The following RIBC1 variants were observed in gnomAD, a reference collection of about 807,000 sequenced individuals.
RIBC1 encodes RIB43A domain with coiled-coils 1.
Under a neutral mutation model 33.7 loss-of-function variants are expected in RIBC1, and 12 were observed. That is an observed-to-expected ratio of 0.36 (90% CI 0.23 to 0.58). RIBC1 has a LOEUF of 0.58. RIBC1 is among the 20% of genes least tolerant of loss of function. The probability of loss-of-function intolerance (pLI) is 0.81; values close to 1 mark genes in which losing one functional copy is unlikely to be tolerated. For missense variants in RIBC1, 242 were observed against 311.6 expected, an observed-to-expected ratio of 0.78 and a Z score of 1.68; for synonymous variants, 89 against 109.0, an observed-to-expected ratio of 0.82 and a Z score of 1.14.
At chrX:53,429,217 A>C (rs782402054) in intron 5 of RIBC1, 32 of 116,945 alleles carry the variant, frequency 2.7e-4, no homozygotes, top group Non-Finnish European at 4.7e-4. Context: ...TTTCATGTCT[A>C]CCCATCTCCC....
chrX:53,428,656 G>T (rs1569364259), intron 5 of RIBC1, 29 bp downstream of exon 5: 1 of 1,206,390 alleles, frequency 8.3e-7, no homozygotes, highest in Non-Finnish European at 1.1e-6. Context: ...CAGACTCAGA[G>T]ACCTGAGGCC....
intron 5 of RIBC1, chrX:53,428,848 A>G: frequency 6.3e-5 from 67 of 1,056,435 alleles, no homozygotes; most frequent in Non-Finnish European, 8.1e-5. Flanking sequence ...CATTACGTGG[A>G]GGCAGCACAG....
chrX:53,424,771 A>G (rs2075782445), intron 2 of RIBC1, among the ~76,000 whole-genome samples: 1 of 110,929 alleles, frequency 9.0e-6, no homozygotes, highest in East Asian at 2.9e-4. Context: ...AAGTGGATTA[A>G]AAACCTAAGT....
rs1479142338 is a variant in RIBC1, at chrX:53,430,059, A to G, written c.663+87A>G. 1.3e-5 allele frequency: 10 copies of G among 767,984 alleles called. No individual in the cohort carries two copies. In the Admixed American group the frequency reaches 2.5e-4, roughly 19 times the overall value. 63.3% of individuals were successfully genotyped at this position (767,984 alleles called of 1,213,427 possible). On this transcript the variant is annotated intron_variant, in intron 6 of 7. Transcript: ENST00000375327. ...ACCTTAGCCATATTCTTCCTCTTAC[A>G]TCCCCTCTTAAATCAGCATCAGCCC...
rs782299317 is a variant in RIBC1, at chrX:53,429,898, A to G, written c.589A>G (p.Thr197Ala). The G allele has an allele frequency of 2.4e-5, 29 of 1,211,545 alleles. No homozygotes were observed. Among genetic ancestry groups the G allele is most frequent in the Non-Finnish European group, 3.1e-5 (28 of 895,052 alleles). ...QLRLAMDAQATHLARLEESCR... is the reference protein window; with the variant it reads ...QLRLAMDAQAAHLARLEESCR... ...GCGCCTCGCCATGGATGCACAGGCC[A>G]CCCATCTGGCCAGGCTGGAGGAGTC... The change falls in exon 6 of 8, where the codon ACC becomes GCC. Residue 197 changes from threonine (T) to alanine (A), a missense_variant. Physicochemically the swap from Thr to Ala is moderately conservative, Grantham distance 58. Coordinates refer to ENST00000375327, the MANE Select transcript of RIBC1 (RefSeq NM_001031745.5).
rs782705066 is a variant in RIBC1 at position 53,430,429 on chromosome X, C to T, written c.697C>T (p.Arg233Cys). The T allele has an allele frequency of 9.9e-6, 12 of 1,209,281 alleles. No homozygotes were observed. The highest frequency in any genetic ancestry group is 3.5e-5 in the South Asian group (2 of 56,773). Residue 233 changes from arginine (R) to cysteine (C), a missense_variant, in exon 7 of 8, where the codon CGT becomes TGT. By Grantham distance (180) the Arg-to-Cys change is radical. Coordinates refer to ENST00000375327, the MANE Select transcript of RIBC1 (RefSeq NM_001031745.5). ...GCAGGCTGGGCGTCAGCGCTGTGAG[C>T]GTCAGCGTGAACAGAAGGCCAACCT... ...AVQAGRQRCE[R>C]QREQKANLAE... is the part of the protein sequence containing the mutation.
intron 6 of RIBC1, 115 bp from the exon 7 acceptor site, chrX:53,430,281 G>A: frequency 1.7e-6 from 1 of 598,803 alleles, no homozygotes; most frequent in African/African-American, 2.3e-5. Context: ...GAAAGGCCAT[G>A]CAGTATCTGT....
intron 5 of RIBC1, 111 bp from the exon 6 acceptor site, chrX:53,429,743 C>T (rs1309648020): frequency 9.1e-7 from 1 of 1,103,423 alleles, no homozygotes; most frequent in East Asian, 3.1e-5. Flanking sequence ...CTAACCCCCT[C>T]CTAAACATTC....
chrX:53,428,593 G>T lies in RIBC1; in HGVS notation c.510G>T (p.Glu170Asp). ...FRYNLERQQQEQQQAKVDENY... is the reference protein window; with the variant it reads ...FRYNLERQQQDQQQAKVDENY... ...ACAACTTGGAAAGGCAACAGCAGGAGCAACAGCAAGCCAAGGTTGATGAGA... is the reference window on the plus strand; with the variant it reads ...ACAACTTGGAAAGGCAACAGCAGGATCAACAGCAAGCCAAGGTTGATGAGA... Residue 170 changes from glutamate to aspartate, a missense_variant, in exon 5 of 8, where the codon GAG becomes GAT. Transcript: ENST00000375327. 8.3e-7 allele frequency: 1 copy of T among 1,210,531 alleles called. No individual in the cohort carries two copies. The highest frequency in any genetic ancestry group is 1.1e-6 in the Non-Finnish European group (1 of 895,025).
chrX:53,427,042 G>A (rs2075795832), intron 3 of RIBC1, among the ~76,000 whole-genome samples: 1 of 112,304 alleles, frequency 8.9e-6, no homozygotes, highest in Admixed American at 9.4e-5. Context: ...ACTTAACCAG[G>A]CTGAGAGACA....
intron 2 of RIBC1, 33 bp from the exon 3 acceptor site, chrX:53,426,244 C>A (rs919557948): frequency 1.6e-5 from 16 of 1,002,764 alleles, no homozygotes; most frequent in Non-Finnish European, 2.3e-5. Flanking sequence ...GTGGTCGGCA[C>A]TGATGGGCCA....
At chrX:53,424,712 G>A (rs1442325773) in intron 2 of RIBC1, among the ~76,000 whole-genome samples, 1 of 109,535 alleles carries the variant, frequency 9.1e-6, no homozygotes, top group Admixed American at 9.8e-5. Flanking sequence ...CACTTGGGGG[G>A]AAAATTAAAT....
Position 53,428,479 on chromosome X carries a change from C to T in RIBC1, c.396C>T (p.Thr132=), listed in dbSNP as rs782365980. The change falls in exon 5 of 8, where the codon ACC becomes ACT. Residue 132 remains threonine, a synonymous_variant. Transcript: ENST00000375327. ...CAACCTATCTTAGTTACAGTAATACCTATCCTGGTCCAGCCAGCCTGCAGT... is the reference window on the plus strand; with the variant it reads ...CAACCTATCTTAGTTACAGTAATACTTATCCTGGTCCAGCCAGCCTGCAGT... ...GLPTYLSYSN[T]YPGPASLQYF... is the part of the protein sequence containing the mutation. 1.7e-6 allele frequency: 2 copies of T among 1,209,057 alleles called. No individual in the cohort carries two copies. Among genetic ancestry groups the T allele is most frequent in the Non-Finnish European group, 2.2e-6 (2 of 893,833 alleles).
rs375136918 is a variant in RIBC1 at position 53,430,629 on chromosome X, C to T, written c.897C>T (p.His299=). Reference sequence around the variant, plus strand: ...TACAACGCTCTAAGAAGCAAGCACACCGTCAGGCTGAGAAAACACTGGATA... The same window carrying T: ...TACAACGCTCTAAGAAGCAAGCACATCGTCAGGCTGAGAAAACACTGGATA... ...QEVQRSKKQA[H]RQAEKTLDTE... The change falls in exon 7 of 8, where the codon CAC becomes CAT. Residue 299 remains histidine (H), a synonymous_variant. Coordinates refer to ENST00000375327, the MANE Select transcript of RIBC1 (RefSeq NM_001031745.5). The T allele has an allele frequency of 4.2e-6, 5 of 1,204,136 alleles. No homozygotes were observed. In the African/African-American group the frequency reaches 7.0e-5, roughly 17 times the overall value.
intron 6 of RIBC1, 90 bp from the exon 7 acceptor site, chrX:53,430,306 A>G: frequency 1.4e-6 from 1 of 732,780 alleles, no homozygotes; most frequent in South Asian, 2.7e-5. Flanking sequence ...TCTCCTTGAG[A>G]TGGAAGAGTA....
At chrX:53,424,605 C>A (rs2075781136) in intron 2 of RIBC1, among the ~76,000 whole-genome samples, 1 of 108,213 alleles carries the variant, frequency 9.2e-6, no homozygotes, top group Admixed American at 9.9e-5. Flanking sequence ...TCCTGATCCA[C>A]CTGCCTCGGC....
Position 53,426,385 on chromosome X carries a change from G to A in RIBC1, c.109G>A (p.Val37Ile). Residue 37 changes from valine to isoleucine, a missense_variant, in exon 3 of 8, where the codon GTC (valine) becomes ATC (isoleucine). Physicochemically the swap from Val to Ile is conservative, Grantham distance 29 (BLOSUM62 3). Transcript: ENST00000375327. ...QNRFFNVRNRVMGVDVQALNN... is the reference protein window; with the variant it reads ...QNRFFNVRNRIMGVDVQALNN... ...CCGATTCTTCAATGTGCGGAACCGA[G>A]TCATGGGGGTGAGTGGGTAGTAGGG... 8.5e-7 allele frequency: 1 copy of A among 1,178,766 alleles called. No individual in the cohort carries two copies. Among genetic ancestry groups the A allele is most frequent in the South Asian group, 1.8e-5 (1 of 54,754 alleles).
At position 53,430,650 on chromosome X, in the gene RIBC1, G is replaced by A; in HGVS notation, c.918G>A (p.Leu306=). 3.3e-6 allele frequency: 4 copies of A among 1,206,490 alleles called. No individual in the cohort carries two copies. Among genetic ancestry groups the A allele is most frequent in the Non-Finnish European group, 4.5e-6 (4 of 892,571 alleles). ...CACACCGTCAGGCTGAGAAAACACT[G>A]GATACTGAATGGAAAAGCCAGACCA... ...KQAHRQAEKT[L]DTEWKSQTMS... The change falls in exon 7 of 8, where the codon CTG becomes CTA. Residue 306 remains leucine (L), a synonymous_variant. Coordinates refer to ENST00000375327, the MANE Select transcript of RIBC1 (RefSeq NM_001031745.5).
chrX:53,425,144 C>T (rs1051296855), intron 2 of RIBC1, among the ~76,000 whole-genome samples: 18 of 111,918 alleles, frequency 1.6e-4, no homozygotes, highest in Non-Finnish European at 3.0e-4. Flanking sequence ...TAAAGAATCA[C>T]GCTCCAAACA....
Sources: gnomAD v4.1 joint callset for allele counts (sites outside exome capture counted in the v4.1 genomes callset) on GRCh38, gnomAD v4.1.1 for gene constraint, MANE v1.5 for transcripts, NCBI Gene and HGNC (gene_info 2026-07-23, HGNC 2026-07-21) for gene names.